Variants in AGK observed in about 807,000 individuals in gnomAD.
The protein encoded by AGK is acylglycerol kinase, mitochondrial.
AGK carries 52 observed loss-of-function variants against 66.4 expected under a neutral mutation model. The ratio of observed to expected loss-of-function variants is 0.78; its 90% CI spans 0.63 to 0.99. AGK has a LOEUF of 0.99. Among genes scored for constraint, AGK ranks in the 50% least tolerant of loss-of-function variants. The pLI, the probability that AGK is intolerant of heterozygous loss-of-function variation, is 0.00. For synonymous variants in AGK, 182 were observed against 181.1 expected, an observed-to-expected ratio of 1.00 and a Z score of -0.04; for missense variants, 451 against 506.6, an observed-to-expected ratio of 0.89 and a Z score of 1.05.
intron 2 of AGK, among the ~76,000 whole-genome samples, chr7:141,571,520 T>C (rs1442589100): frequency 6.6e-6 from 1 of 152,202 alleles, no homozygotes; most frequent in African/African-American, 2.4e-5. Flanking sequence ...TATAGGCCTG[T>C]GGTGAATTGC....
intron 10 of AGK, among the ~76,000 whole-genome samples, chr7:141,636,702 G>A (rs1214468878): frequency 2.0e-5 from 3 of 152,184 alleles, no homozygotes; most frequent in Admixed American, 6.5e-5. Flanking sequence ...AGTGACTCAA[G>A]GAGCCTGGTT....
chr7:141,622,297 T>C (rs556753733), intron 9 of AGK, among the ~76,000 whole-genome samples: 20 of 152,308 alleles, frequency 1.3e-4, no homozygotes, highest in South Asian at 4.1e-4. Flanking sequence ...AGACCTTATC[T>C]TTGACCTCTT....
intron 2 of AGK, among the ~76,000 whole-genome samples, chr7:141,576,224 C>T (rs1259570318): frequency 6.6e-6 from 1 of 152,118 alleles, no homozygotes; most frequent in Non-Finnish European, 1.5e-5. Flanking sequence ...TTAATTTTCT[C>T]AGCAAGGCAA....
intron 1 of AGK, among the ~76,000 whole-genome samples, chr7:141,552,813 A>G (rs893562813): frequency 5.3e-5 from 8 of 152,166 alleles, no homozygotes; most frequent in African/African-American, 1.9e-4. Flanking sequence ...CTTATCTTTG[A>G]AGACACAGGT....
chr7:141,554,404 T>C (rs982956784), intron 1 of AGK, among the ~76,000 whole-genome samples: 2 of 152,094 alleles, frequency 1.3e-5, no homozygotes, highest in Non-Finnish European at 2.9e-5. Flanking sequence ...TTTATACTCA[T>C]GTTTGAACAT....
intron 2 of AGK, among the ~76,000 whole-genome samples, chr7:141,577,728 C>T (rs746045417): frequency 8.6e-5 from 13 of 152,034 alleles, no homozygotes; most frequent in African/African-American, 1.9e-4. Flanking sequence ...GTGCACAGGC[C>T]GGTTGGGGTT....
chr7:141,632,784 A>G (rs1797087126), intron 9 of AGK, among the ~76,000 whole-genome samples: 1 of 152,220 alleles, frequency 6.6e-6, no homozygotes, highest in African/African-American at 2.4e-5. Flanking sequence ...GAGAGTGAAG[A>G]TTCAAGTCTA....
intron 2 of AGK, among the ~76,000 whole-genome samples, chr7:141,575,282 C>G (rs1352253222): frequency 6.6e-6 from 1 of 152,178 alleles, no homozygotes; most frequent in East Asian, 1.9e-4. Context: ...AGGCCTAAGC[C>G]TTTTAGTAAC....
chr7:141,634,493 A>T (rs1797127951), intron 10 of AGK, among the ~76,000 whole-genome samples: 2 of 152,226 alleles, frequency 1.3e-5, no homozygotes, highest in Non-Finnish European at 2.9e-5. Context: ...TGGGAGAAAC[A>T]GGCCTATCGA....
At chr7:141,612,764 G>A (rs1796618790) in intron 6 of AGK, among the ~76,000 whole-genome samples, 1 of 152,164 alleles carries the variant, frequency 6.6e-6, no homozygotes, top group Non-Finnish European at 1.5e-5. Flanking sequence ...AGGGCGGTAA[G>A]TATGTTACCC....
rs1296970969 is a variant in AGK at position 141,653,619 on chromosome 7, T to A, written c.*695T>A. 2 of 152,214 alleles carry A rather than the reference T, an allele frequency of 1.3e-5. No homozygotes were observed. The highest frequency in any genetic ancestry group is 6.5e-5 in the Admixed American group (1 of 15,276). 9.4% of individuals were successfully genotyped at this position (152,214 alleles called of 1,614,324 possible). A position where few individuals can be genotyped will look rare whatever the true frequency, so the allele number is the denominator to read the frequency against. On this transcript the variant is annotated 3_prime_UTR_variant, in exon 16 of 16. Coordinates refer to ENST00000649286, the MANE Select transcript of AGK (RefSeq NM_018238.4). ...GATGGGGCCCAGGAATATGCATTTTTAAAAAGTCATCTGCCCTTCCCAGGT... is the reference window on the plus strand; with the variant it reads ...GATGGGGCCCAGGAATATGCATTTTAAAAAAGTCATCTGCCCTTCCCAGGT...
Position 141,555,402 on chromosome 7 carries a change from A to G in AGK, c.-14-51A>G. 1 of 1,285,590 alleles carries G rather than the reference A, an allele frequency of 7.8e-7. No individual in the cohort carries two copies. The highest frequency in any genetic ancestry group is 1.1e-6 in the Non-Finnish European group (1 of 900,868). The allele number at this position is 1,285,590 out of a possible 1,614,324, so 79.6% of individuals were successfully genotyped here. ...GACAGAGTAATAGGGACATTACATGAAGACCATGGATAAATTATATTTTTT... is the reference window on the plus strand; with the variant it reads ...GACAGAGTAATAGGGACATTACATGGAGACCATGGATAAATTATATTTTTT... On this transcript the variant is annotated intron_variant, in intron 1 of 15. Coordinates refer to ENST00000649286, the MANE Select transcript of AGK (RefSeq NM_018238.4). This position sits in a 1 kb window ranked among gnomAD's most constrained non-coding sequence, Gnocchi z 4.2.
chr7:141,583,909 T>G (rs1795939190), intron 2 of AGK, among the ~76,000 whole-genome samples: 1 of 151,860 alleles, frequency 6.6e-6, no homozygotes, highest in African/African-American at 2.4e-5. Flanking sequence ...GATTTAAAAT[T>G]GGTGAGATGT....
intron 4 of AGK, chr7:141,599,034 T>C (rs1026747358): frequency 6.6e-6 from 1 of 152,174 alleles, no homozygotes; most frequent in Non-Finnish European, 1.5e-5. Flanking sequence ...AAGGAAAGTC[T>C]TTTCTAAAGG....
At chr7:141,616,357 A>G (rs1363610208) in intron 8 of AGK, 1 of 152,166 alleles carries the variant, frequency 6.6e-6, no homozygotes, top group African/African-American at 2.4e-5. Context: ...ATAAATAAAT[A>G]TTTGTTGCAT....
chr7:141,560,288 A>G (rs1277960623), intron 2 of AGK, among the ~76,000 whole-genome samples: 1 of 148,470 alleles, frequency 6.7e-6, no homozygotes, highest in Admixed American at 6.7e-5. Context: ...TTTTTTGCCT[A>G]TATATCCCCA....
intron 2 of AGK, among the ~76,000 whole-genome samples, chr7:141,571,090 T>TA (rs1393177186): frequency 6.6e-6 from 1 of 152,270 alleles, no homozygotes; most frequent in East Asian, 1.9e-4. Context: ...TGTGTTATTA[T>TA]ATTCATTATA....
intron 3 of AGK, 80 bp downstream of exon 3, chr7:141,593,265 G>A: frequency 7.8e-7 from 1 of 1,281,698 alleles, no homozygotes. Flanking sequence ...CAGGGGACTT[G>A]CACAGTGTCT....
In AGK at chr7:141,647,733, C is replaced by T. The variant is rs182059329; in HGVS notation, c.976-1530C>T. Among the ~76,000 whole-genome samples the T allele has an allele frequency of 1.2e-4, 18 of 152,266 alleles. No individual in the cohort carries two copies. The East Asian group carries it at 2.9e-3, about 24-fold the overall frequency. ...TCACCCAGGCTGGAGTGCAATCGTG[C>T]GATATTGGCTCACTGCAATCTCTGC... On this transcript the variant is annotated intron_variant, in intron 13 of 15. Transcript: ENST00000649286.
Sources: allele counts gnomAD v4.1 joint callset (sites outside exome capture counted in the v4.1 genomes callset), GRCh38; gene constraint gnomAD v4.1.1; non-coding constraint Gnocchi (gnomAD v3.1); transcripts MANE v1.5; gene names NCBI Gene and HGNC (gene_info 2026-07-23, HGNC 2026-07-21).